Variants in WDR1 observed in about 807,000 individuals in gnomAD.
The protein encoded by WDR1 is WD repeat-containing protein 1.
Under a neutral mutation model 71.9 loss-of-function variants are expected in WDR1, and 21 were observed. The ratio of observed to expected loss-of-function variants is 0.29; its 90% CI spans 0.21 to 0.42. WDR1 has a LOEUF of 0.42. WDR1 is among the 10% of genes least tolerant of loss of function. The pLI is 1.00. For missense variants in WDR1, 696 were observed against 824.5 expected, an observed-to-expected ratio of 0.84 and a Z score of 1.91; for synonymous variants, 424 against 347.4, an observed-to-expected ratio of 1.22 and a Z score of -2.45.
chr4:10,102,844 G>C (rs1181494455), intron 3 of WDR1, among the ~76,000 whole-genome samples: 1 of 152,164 alleles, frequency 6.6e-6, no homozygotes, highest in Non-Finnish European at 1.5e-5. Context: ...TCACTCTCCA[G>C]AGAGGCTGAT....
rs540991970 is a variant in WDR1 at position 10,075,765 on chromosome 4, A to C, written c.1715-281T>G. 7.0e-5 allele frequency: 37 copies of C among 530,718 alleles called. No individual in the cohort carries two copies. The South Asian group carries it at 8.2e-4, about 12-fold the overall frequency. The allele number at this position is 530,718 out of a possible 1,614,324, so 32.9% of individuals were successfully genotyped here. A position where few individuals can be genotyped will look rare whatever the true frequency, so the allele number is the denominator to read the frequency against. On this transcript the variant is annotated intron_variant, in intron 14 of 14. Transcript: ENST00000499869. ...AGATGCCAGTGGCTCCCTCTCTCCA[A>C]GTCTTGACAACCAAGTTCCACAGGA...
At chr4:10,088,268 G>A (rs1394740083) in intron 7 of WDR1, 25 bp downstream of exon 7, 4 of 1,548,382 alleles carry the variant, frequency 2.6e-6, no homozygotes, top group Non-Finnish European at 3.5e-6. Flanking sequence ...CCCACCACTA[G>A]GCCGGGAAAC....
intron 3 of WDR1, among the ~76,000 whole-genome samples, chr4:10,101,138 A>G (rs1004739996): frequency 1.3e-5 from 2 of 152,282 alleles, no homozygotes; most frequent in African/African-American, 2.4e-5. Context: ...ACAGAACAGT[A>G]TCATGAAAAT....
chr4:10,076,857 A>C (rs1354054132), intron 14 of WDR1: 1 of 168,094 alleles, frequency 5.9e-6, no homozygotes, highest in African/African-American at 2.4e-5. Flanking sequence ...CAACCCCCTC[A>C]GGGAGAAATG....
chr4:10,097,222 G>C (rs761695059), intron 5 of WDR1, among the ~76,000 whole-genome samples: 22 of 152,256 alleles, frequency 1.4e-4, no homozygotes, highest in Non-Finnish European at 2.6e-4. Flanking sequence ...CGCATTTCTG[G>C]CACATTTCTT....
intron 9 of WDR1, 32 bp from the exon 10 acceptor site, chr4:10,083,210 C>G (rs1238722647): frequency 1.2e-6 from 2 of 1,603,538 alleles, no homozygotes; most frequent in African/African-American, 1.3e-5. Flanking sequence ...GCCCGGCTCC[C>G]AGGACTGCTG....
At chr4:10,090,070 CA>C (rs969587670) in intron 5 of WDR1, among the ~76,000 whole-genome samples, 19 of 152,158 alleles carry the variant, frequency 1.2e-4, no homozygotes, top group Non-Finnish European at 2.9e-5. Context: ...GTTCTGCTCA[CA>C]AAAAGTAACC....
chr4:10,096,999 G>A (rs1712385604), intron 5 of WDR1, among the ~76,000 whole-genome samples: 1 of 152,198 alleles, frequency 6.6e-6, no homozygotes, highest in Admixed American at 6.5e-5. Context: ...ACAAAGCTGG[G>A]GCAGGAAAAT....
rs144314662 is a variant in WDR1, at chr4:10,090,287, C to A, written c.559-1546G>T. 3.7e-3 allele frequency among the ~76,000 whole-genome samples: 570 copies of A among 152,294 alleles called. 1 individual carries two copies. The highest frequency in any genetic ancestry group is 6.2e-3 in the Non-Finnish European group (424 of 68,034). The stretch of plus-strand genomic sequence containing the variant: ...CCTCTGACACTCATGTAATAACCCA[C>A]CAAGGTGAGCTGTGCCCATTTCACC... On this transcript the variant is annotated intron_variant, in intron 5 of 14. Transcript: ENST00000499869.
chr4:10,100,276 C>T (rs961323173), intron 3 of WDR1, among the ~76,000 whole-genome samples: 2 of 152,212 alleles, frequency 1.3e-5, no homozygotes, highest in Admixed American at 6.5e-5. Flanking sequence ...CCAGCCTCTG[C>T]CACACACAGG....
Position 10,087,927 on chromosome 4 carries a change from G to A in WDR1, c.731C>T (p.Pro244Leu). 1.3e-6 allele frequency: 2 copies of A among 1,554,248 alleles called. No individual in the cohort carries two copies. The highest frequency in any genetic ancestry group is 1.7e-6 in the Non-Finnish European group (2 of 1,148,238). The change falls in exon 8 of 15, where the codon CCC (proline) becomes CTC (leucine). Residue 244 changes from proline to leucine, a missense_variant. Transcript: ENST00000499869. ...DGGIYAISWS[P>L]DSTHLLSASG... is the part of the protein sequence containing the mutation. ...AGCAGAAAGCAAATGGGTGCTGTCG[G>A]GACTCCAACTAATCTATTCAGAAAA...
At chr4:10,077,539 A>T in intron 13 of WDR1, 91 bp from the exon 14 acceptor site, 1 of 1,580,526 alleles carries the variant, frequency 6.3e-7, no homozygotes, top group South Asian at 1.2e-5. Context: ...GGCGACAATA[A>T]GGACCGAGGT....
chr4:10,077,166 C>T, intron 14 of WDR1, 138 bp downstream of exon 14: 2 of 1,233,736 alleles, frequency 1.6e-6, no homozygotes, highest in Non-Finnish European at 2.2e-6. Flanking sequence ...AGGAGACCCA[C>T]AACTCTTCCG....
intron 3 of WDR1, 45 bp from the exon 4 acceptor site, chr4:10,099,184 G>GGGGGT: frequency 4.4e-6 from 2 of 450,126 alleles, no homozygotes; most frequent in South Asian, 1.9e-5. Context: ...CGGTGGTGGG[G>GGGGGT]TAAAGGGCAG....
intron 8 of WDR1, among the ~76,000 whole-genome samples, chr4:10,086,381 T>A (rs755807759): frequency 3.9e-5 from 6 of 152,204 alleles, no homozygotes; most frequent in Non-Finnish European, 7.3e-5. Flanking sequence ...CTCTCAGCAG[T>A]GCTGCTGCCC....
At chr4:10,099,984 C>G (rs1256896514) in intron 3 of WDR1, among the ~76,000 whole-genome samples, 1 of 152,196 alleles carries the variant, frequency 6.6e-6, no homozygotes, top group Non-Finnish European at 1.5e-5. Context: ...GTACCAAGTC[C>G]CAATCCCGAC....
At chr4:10,108,614 C>T (rs1462576108) in intron 2 of WDR1, among the ~76,000 whole-genome samples, 2 of 152,236 alleles carry the variant, frequency 1.3e-5, no homozygotes, top group Non-Finnish European at 2.9e-5. Flanking sequence ...AAAGCTGTTA[C>T]TGCTGTAACT....
chr4:10,103,782 A>ACCC, intron 3 of WDR1, 114 bp downstream of exon 3: 2 of 72,402 alleles, frequency 2.8e-5, no homozygotes, highest in South Asian at 1.3e-4. Context: ...CTGCTCCCCC[A>ACCC]CCCCCCACCT....
intron 3 of WDR1, among the ~76,000 whole-genome samples, chr4:10,102,105 T>C (rs1451226048): frequency 6.6e-6 from 1 of 152,246 alleles, no homozygotes; most frequent in Non-Finnish European, 1.5e-5. Context: ...CCCAGCCGCC[T>C]GGCTCGATCA....
Sources: gnomAD v4.1 joint callset for allele counts (sites outside exome capture counted in the v4.1 genomes callset) on GRCh38, gnomAD v4.1.1 for gene constraint, MANE v1.5 for transcripts, NCBI Gene and HGNC (gene_info 2026-07-23, HGNC 2026-07-21) for gene names.